Variants in ATP10A observed in about 807,000 individuals in gnomAD.
ATP10A encodes the protein ATPase phospholipid transporting 10A (putative), also known as phospholipid-transporting ATPase VA.
Under a neutral mutation model 147.8 loss-of-function variants are expected in ATP10A, and 111 were observed. The ratio of observed to expected loss-of-function variants is 0.75; its 90% CI spans 0.64 to 0.88. The LOEUF (loss-of-function observed/expected upper bound fraction) is 0.88. Among genes scored for constraint, ATP10A ranks in the 40% least tolerant of loss-of-function variants. ATP10A has a pLI of 0.00. For synonymous variants in ATP10A, 875 were observed against 841.6 expected, an observed-to-expected ratio of 1.04 and a Z score of -0.69; for missense variants, 1,927 against 1,959.0, an observed-to-expected ratio of 0.98 and a Z score of 0.31.
At chr15:25,834,530 C>A (rs1296859353) in intron 1 of ATP10A, among the ~76,000 whole-genome samples, 4 of 152,144 alleles carry the variant, frequency 2.6e-5, no homozygotes, top group African/African-American at 9.7e-5. Context: ...AAAGTGGAAC[C>A]CTCGGAGAAC....
At chr15:25,698,830 T>C (rs760236562) in intron 13 of ATP10A, among the ~76,000 whole-genome samples, 2 of 152,190 alleles carry the variant, frequency 1.3e-5, no homozygotes, top group Non-Finnish European at 2.9e-5. Context: ...GATAGGTTTA[T>C]TGGGACATAA....
At chr15:25,813,707 A>T (rs138687276) in intron 1 of ATP10A, among the ~76,000 whole-genome samples, 9 of 152,352 alleles carry the variant, frequency 5.9e-5, no homozygotes, top group African/African-American at 1.7e-4. Context: ...TTAAGATCCA[A>T]ATTGAACTTC....
At chr15:25,716,588 C>T (rs1422707093) in intron 9 of ATP10A, 142 bp downstream of exon 9, 5 of 766,906 alleles carry the variant, frequency 6.5e-6, no homozygotes, top group African/African-American at 1.8e-5. Context: ...TATGAAGCAC[C>T]CCACCGCATC....
At position 25,832,423 on chromosome 15, in the gene ATP10A, G is replaced by A. The variant is rs768842895; in HGVS notation, c.449+30225C>T. On this transcript the variant is annotated intron_variant, in intron 1 of 20. Coordinates refer to ENST00000555815, the MANE Select transcript of ATP10A (RefSeq NM_024490.4). The stretch of plus-strand genomic sequence containing the variant: ...AAAGGCAGCTGCCTGTGAGTGTGCC[G>A]GGCAAGGCAAAGTCATCACAAAGAT... Among the ~76,000 whole-genome samples the A allele has an allele frequency of 7.2e-5, 11 of 152,294 alleles. No individual in the cohort carries two copies. In the East Asian group the frequency reaches 9.7e-4, roughly 13 times the overall value.
chr15:25,688,388 G>A (rs1317047365), intron 15 of ATP10A, among the ~76,000 whole-genome samples: 2 of 152,178 alleles, frequency 1.3e-5, no homozygotes, highest in Non-Finnish European at 2.9e-5. Flanking sequence ...GCCGGGTGCG[G>A]GCAGTGGCCG....
At chr15:25,842,699 C>A (rs752810987) in intron 1 of ATP10A, among the ~76,000 whole-genome samples, 2 of 151,874 alleles carry the variant, frequency 1.3e-5, no homozygotes, top group Non-Finnish European at 2.9e-5. Context: ...GATAGGTAAA[C>A]GTCTTTGACT....
At chr15:25,855,986 T>G (rs1034323795) in intron 1 of ATP10A, among the ~76,000 whole-genome samples, 2 of 152,184 alleles carry the variant, frequency 1.3e-5, no homozygotes, top group African/African-American at 4.8e-5. Flanking sequence ...TTTTTGAAAA[T>G]TATAGTGCAG....
rs182192705 is a variant in ATP10A at position 25,745,575 on chromosome 15, A to G, written c.655-9434T>C. Among the ~76,000 whole-genome samples the G allele has an allele frequency of 1.9e-3, 289 of 152,264 alleles. 2 individuals carry two copies. The Middle Eastern group carries it at 0.02, about 11-fold the overall frequency. ...CATCTCTGCTATAAGAAAGAGAGAG[A>G]GAGAAGGAAATTGGCCTGATGAAAG... On this transcript the variant is annotated intron_variant, in intron 2 of 20. Transcript: ENST00000555815.
chr15:25,822,189 A>T (rs1439372773), intron 1 of ATP10A, among the ~76,000 whole-genome samples: 1 of 152,128 alleles, frequency 6.6e-6, no homozygotes, highest in Non-Finnish European at 1.5e-5. Context: ...TTCAGTATAG[A>T]CCCAGTGATT....
Position 25,817,232 on chromosome 15 carries a change from G to A in ATP10A, c.450-36009C>T, listed in dbSNP as rs571390721. On this transcript the variant is annotated intron_variant, in intron 1 of 20. Coordinates refer to ENST00000555815, the MANE Select transcript of ATP10A (RefSeq NM_024490.4). ...CAAATAGCTGGGATTACAGGCGCCC[G>A]CCACCATGCCTGGCTAATTTTTGTA... Among the ~76,000 whole-genome samples, 292 of 152,176 alleles carry A rather than the reference G, an allele frequency of 1.9e-3. 3 individuals are homozygous for A. Among genetic ancestry groups the A allele is most frequent in the African/African-American group, 6.5e-3 (271 of 41,520 alleles).
intron 1 of ATP10A, among the ~76,000 whole-genome samples, chr15:25,839,464 C>G (rs1892720903): frequency 6.6e-6 from 1 of 152,110 alleles, no homozygotes; most frequent in African/African-American, 2.4e-5. Context: ...ATCTCCGTAC[C>G]CGTGAGAGAT....
chr15:25,694,676 G>T, intron 14 of ATP10A, 143 bp downstream of exon 14: 1 of 764,402 alleles, frequency 1.3e-6, no homozygotes, highest in Non-Finnish European at 2.1e-6. Flanking sequence ...GGAACATGTT[G>T]CCTGCTCTAT....
At chr15:25,682,788 G>C (rs1349908669) in intron 17 of ATP10A, among the ~76,000 whole-genome samples, 1 of 152,222 alleles carries the variant, frequency 6.6e-6, no homozygotes, top group East Asian at 1.9e-4. Context: ...TGCCCACATG[G>C]AATAATTCAA....
chr15:25,778,463 C>G (rs961464286), intron 2 of ATP10A, among the ~76,000 whole-genome samples: 3 of 148,340 alleles, frequency 2.0e-5, no homozygotes, highest in Non-Finnish European at 4.4e-5. Flanking sequence ...AATTTGGATA[C>G]CAAAAAAATG....
At chr15:25,819,289 T>C (rs1891785198) in intron 1 of ATP10A, among the ~76,000 whole-genome samples, 1 of 152,126 alleles carries the variant, frequency 6.6e-6, no homozygotes, top group Non-Finnish European at 1.5e-5. Flanking sequence ...TTTTCAAAAC[T>C]AGACATATAA....
At chr15:25,681,211 G>T in intron 17 of ATP10A, 137 bp from the exon 18 acceptor site, 2 of 796,370 alleles carry the variant, frequency 2.5e-6, no homozygotes, top group Non-Finnish European at 4.0e-6. Context: ...GAGTAGAGCT[G>T]GGAAAGGCCA....
At chr15:25,828,276 A>G (rs1024455025) in intron 1 of ATP10A, among the ~76,000 whole-genome samples, 6 of 152,228 alleles carry the variant, frequency 3.9e-5, no homozygotes, top group Admixed American at 2.0e-4. Context: ...AGACTTGAAA[A>G]ATATTATAAA....
chr15:25,807,824 G>GA (rs61667599), intron 1 of ATP10A, among the ~76,000 whole-genome samples: 80,313 of 149,078 alleles, frequency 0.54, 22,714 homozygotes, highest in East Asian at 0.8. Context: ...AAAAGAAAAA[G>GA]AAAAAAAAAA....
intron 10 of ATP10A, among the ~76,000 whole-genome samples, chr15:25,711,068 C>G (rs1348787192): frequency 6.6e-6 from 1 of 151,674 alleles, no homozygotes; most frequent in Non-Finnish European, 1.5e-5. Context: ...TAAGTGTAGA[C>G]CTGGGATTTG....
Sources: allele counts gnomAD v4.1 joint callset (sites outside exome capture counted in the v4.1 genomes callset), GRCh38; gene constraint gnomAD v4.1.1; transcripts MANE v1.5; gene names NCBI Gene and HGNC (gene_info 2026-07-23, HGNC 2026-07-21).